The following MXRA7 variants were observed in gnomAD, a reference collection of about 807,000 sequenced individuals.
MXRA7 encodes the protein matrix remodeling associated 7.
A neutral mutation model predicts 17.4 loss-of-function variants in MXRA7; 18 were observed. That is an observed-to-expected ratio of 1.03 (90% CI 0.71 to 1.53). The LOEUF (loss-of-function observed/expected upper bound fraction) is 1.53, where lower values mean the gene tolerates loss of function less well. Ranked by LOEUF, MXRA7 falls within the 40% of genes most tolerant of loss-of-function variation. MXRA7 has a pLI of 0.00. For synonymous variants in MXRA7, 70 were observed against 101.7 expected (o/e 0.69, Z 1.87); for missense variants, 141 against 209.3 (o/e 0.67, Z 2.01).
At chr17:76,683,928 C>G (rs116096243) in intron 3 of MXRA7, 1 of 1,613,236 alleles carries the variant, frequency 6.2e-7, no homozygotes, top group African/African-American at 1.3e-5. Context: ...CAGCTCAATC[C>G]TGAAATATAA....
rs1555644735 is a variant in MXRA7, at chr17:76,702,858, A to ATATATATACGTATATATATATATACGT, written c.342+7746_342+7747insACGTATATATATATATACGTATATATA. Among the ~76,000 whole-genome samples, 270 of 55,394 alleles carry ATATATATACGTATATATATATATACGT rather than the reference A, an allele frequency of 4.9e-3. 3 individuals carry two copies. The highest frequency in any genetic ancestry group is 7.0e-3 in the Non-Finnish European group (166 of 23,742). The allele number at this position is 55,394 out of a possible 152,430, so 36.3% of individuals were successfully genotyped here. A position where few individuals can be genotyped will look rare whatever the true frequency, so the allele number is the denominator to read the frequency against. On this transcript the variant is annotated intron_variant, in intron 1 of 3. Transcript: ENST00000449428. ...CAGAGCGAGACTACCTCTTAAAATA[A>ATATATATACGTATATATATATATACGT]ATATATATATATACGTATATATATA...
At chr17:76,705,716 G>C (rs2076647968) in intron 1 of MXRA7, among the ~76,000 whole-genome samples, 1 of 152,158 alleles carries the variant, frequency 6.6e-6, no homozygotes, top group Non-Finnish European at 1.5e-5. Flanking sequence ...CAGCAAGAAG[G>C]TGGCTGTCTG....
intron 1 of MXRA7, among the ~76,000 whole-genome samples, chr17:76,693,005 G>A (rs2076493415): frequency 7.3e-6 from 1 of 136,306 alleles, no homozygotes; most frequent in South Asian, 2.3e-4. Flanking sequence ...AGCACATGCG[G>A]AGAATTAAAA....
At chr17:76,705,195 C>T (rs1212495011) in intron 1 of MXRA7, among the ~76,000 whole-genome samples, 2 of 152,312 alleles carry the variant, frequency 1.3e-5, no homozygotes, top group East Asian at 3.9e-4. Context: ...AACCAAGGCT[C>T]TTTCTCTCTG....
chr17:76,686,690 G>A (rs1249145296), intron 2 of MXRA7, among the ~76,000 whole-genome samples: 5 of 152,182 alleles, frequency 3.3e-5, no homozygotes, highest in South Asian at 2.1e-4. Context: ...TCCGAGGGAC[G>A]GGGGAGGTTT....
intron 1 of MXRA7, among the ~76,000 whole-genome samples, chr17:76,705,740 G>A (rs1015147294): frequency 2.0e-5 from 3 of 152,186 alleles, no homozygotes; most frequent in Non-Finnish European, 4.4e-5. Context: ...GCCAAAAAGA[G>A]AGCCCTCACC....
At chr17:76,687,737 C>T (rs1486502973) in intron 2 of MXRA7, among the ~76,000 whole-genome samples, 1 of 152,176 alleles carries the variant, frequency 6.6e-6, no homozygotes, top group African/African-American at 2.4e-5. Context: ...CGGGGGAGGC[C>T]GTGTGAGTGG....
intron 3 of MXRA7, chr17:76,683,925 A>G (rs1429972417): frequency 1.2e-6 from 2 of 1,613,268 alleles, no homozygotes; most frequent in Admixed American, 3.3e-5. Flanking sequence ...GGTCAGCTCA[A>G]TCCTGAAATA....
At chr17:76,702,305 G>A (rs1027916932) in intron 1 of MXRA7, among the ~76,000 whole-genome samples, 2 of 152,138 alleles carry the variant, frequency 1.3e-5, no homozygotes, top group African/African-American at 2.4e-5. Flanking sequence ...CCAGGAGTTC[G>A]AGACCAGGCC....
In MXRA7 at chr17:76,696,738, G is replaced by C. The variant is rs186886268; in HGVS notation, c.343-8562C>G. Among the ~76,000 whole-genome samples, 483 of 152,188 alleles carry C rather than the reference G, an allele frequency of 3.2e-3. 3 individuals are homozygous for C. Among genetic ancestry groups the C allele is most frequent in the African/African-American group, 0.011 (453 of 41,510 alleles). On this transcript the variant is annotated intron_variant, in intron 1 of 3. Coordinates refer to ENST00000449428, the MANE Select transcript of MXRA7 (RefSeq NM_198530.4). ...CAAACTGCGATGCTAAAGGCACCTG[G>C]CCTTCAGCTCAGCGTTGAATGAATC...
chr17:76,708,827 G>A (rs2076689603), intron 1 of MXRA7, among the ~76,000 whole-genome samples: 1 of 152,062 alleles, frequency 6.6e-6, no homozygotes, highest in Admixed American at 6.6e-5. Flanking sequence ...TCTCCTGTGG[G>A]GTGGGTTCTC....
At chr17:76,672,971 A>G (rs1209457723) in exon 4 of MXRA7, 1 of 152,172 alleles carries the variant, frequency 6.6e-6, no homozygotes, top group Admixed American at 6.5e-5. Flanking sequence ...TAGACCCGGA[A>G]AGGCATGTTT....
chr17:76,682,905 C>T (rs2076326763), intron 3 of MXRA7, among the ~76,000 whole-genome samples: 1 of 152,204 alleles, frequency 6.6e-6, no homozygotes, highest in African/African-American at 2.4e-5. Flanking sequence ...ACAGAACAGC[C>T]AAGTGTGGGT....
intron 1 of MXRA7, among the ~76,000 whole-genome samples, chr17:76,701,683 TG>T (rs998354162): frequency 2.0e-5 from 3 of 150,760 alleles, no homozygotes; most frequent in East Asian, 2.0e-4. Flanking sequence ...ATGTTGTGGG[TG>T]GGGGGTGTCT....
intron 1 of MXRA7, among the ~76,000 whole-genome samples, chr17:76,696,081 C>A (rs768673144): frequency 2.0e-5 from 3 of 151,820 alleles, no homozygotes; most frequent in Non-Finnish European, 2.9e-5. Context: ...GGTGACAGAG[C>A]GTGACTCTAT....
chr17:76,697,582 G>A (rs1190438674), intron 1 of MXRA7, among the ~76,000 whole-genome samples: 2 of 152,192 alleles, frequency 1.3e-5, no homozygotes, highest in African/African-American at 2.4e-5. Context: ...AGCATTTTAT[G>A]ACTGAATAGA....
intron 1 of MXRA7, among the ~76,000 whole-genome samples, chr17:76,694,816 G>C (rs2076515739): frequency 6.6e-6 from 1 of 152,084 alleles, no homozygotes; most frequent in Non-Finnish European, 1.5e-5. Flanking sequence ...GAACTCCTGG[G>C]CCCAAGGGAT....
rs957309167 is a variant in MXRA7 at position 76,681,527 on chromosome 17, C to T, written c.501-648G>A. 1.3e-5 allele frequency among the ~76,000 whole-genome samples: 2 copies of T among 152,140 alleles called. No homozygotes were observed. Among genetic ancestry groups the T allele is most frequent in the Non-Finnish European group, 2.9e-5 (2 of 68,028 alleles). On this transcript the variant is annotated intron_variant, in intron 3 of 3. Transcript: ENST00000449428. This position sits in a 1 kb window ranked among gnomAD's most constrained non-coding sequence, Gnocchi z 4.7. ...CATCAGATGGAAGAACCAGAACTAC[C>T]CCACAGCTGGGGTTCCTTGGCCTCC...
chr17:76,699,750 G>C (rs2143661195), intron 1 of MXRA7, among the ~76,000 whole-genome samples: 1 of 152,276 alleles, frequency 6.6e-6, no homozygotes, highest in Middle Eastern at 3.4e-3. Context: ...TCCTTCCTCT[G>C]TCTGGGCAGG....
Sources: gnomAD v4.1 joint callset for allele counts (sites outside exome capture counted in the v4.1 genomes callset) on GRCh38, gnomAD v4.1.1 for gene constraint, Gnocchi (gnomAD v3.1) non-coding constraint, MANE v1.5 for transcripts, NCBI Gene and HGNC (gene_info 2026-07-23, HGNC 2026-07-21) for gene names.